Variants in TLN1 observed in about 807,000 individuals in gnomAD.
The protein encoded by TLN1 is talin-1.
Under a neutral mutation model 292.3 loss-of-function variants are expected in TLN1, and 56 were observed. That is an observed-to-expected ratio of 0.19 (90% CI 0.15 to 0.24). TLN1 has a LOEUF of 0.24. Among genes scored for constraint, TLN1 ranks in the 10% least tolerant of loss-of-function variants. The probability of loss-of-function intolerance (pLI) is 1.00; values close to 1 mark genes in which losing one functional copy is unlikely to be tolerated. For synonymous variants in TLN1, 1,119 were observed against 1,253.7 expected (o/e 0.89, Z 2.27); for missense variants, 2,433 against 3,248.2 (o/e 0.75, Z 6.10).
Position 35,717,719 on chromosome 9 carries a change from C to G in TLN1, c.2063G>C (p.Ser688Thr). ...AAAALVLKAK[S>T]VAQRTEDSGL... ...CGAGTCCTCTGTCCGCTGGGCCACA[C>G]TCTTGGCCTTGAGGACCAGGGCAGC... The change falls in exon 18 of 57, where the codon AGT (serine) becomes ACT (threonine). Residue 688 changes from serine (S) to threonine (T), a missense_variant. By Grantham distance (58) the Ser-to-Thr change is moderately conservative. Coordinates refer to ENST00000314888, the MANE Select transcript of TLN1 (RefSeq NM_006289.4). This position sits in a 1 kb window ranked among gnomAD's most constrained non-coding sequence, Gnocchi z 4.7. 1.2e-6 allele frequency: 2 copies of G among 1,613,742 alleles called. No homozygotes were observed. Among genetic ancestry groups the G allele is most frequent in the African/African-American group, 1.3e-5 (1 of 75,036 alleles).
At position 35,698,776 on chromosome 9, in the gene TLN1, G is replaced by A. The variant is rs991152215; in HGVS notation, c.7125+32C>T. 8 of 1,613,600 alleles carry A rather than the reference G, an allele frequency of 5.0e-6. No homozygotes were observed. In the African/African-American group the frequency reaches 9.3e-5, roughly 19 times the overall value. ...GATGTGGACATCAAAGTGCCAACCT[G>A]TCCCCATTCTTCTGGGTATTTAAGC... is the stretch of plus-strand genomic sequence containing the variant. On this transcript the variant is annotated intron_variant, in intron 53 of 56. Coordinates refer to ENST00000314888, the MANE Select transcript of TLN1 (RefSeq NM_006289.4). The surrounding 1 kb of genome is among the most constrained non-coding windows in gnomAD (Gnocchi z 5.3).
intron 34 of TLN1, 164 bp from the exon 35 acceptor site, chr9:35,708,056 A>AGTTATTCTCTG: frequency 1.2e-6 from 1 of 834,076 alleles, no homozygotes. Context: ...AGAGATACCC[A>AGTTATTCTCTG]AAGATGAACT....
intron 25 of TLN1, among the ~76,000 whole-genome samples, chr9:35,713,654 A>T (rs1825717678): frequency 6.6e-6 from 1 of 152,050 alleles, no homozygotes; most frequent in Non-Finnish European, 1.5e-5. Flanking sequence ...ACTGCACTAC[A>T]GTTTAGGTGA....
chr9:35,727,719 A>G (rs1388870063), intron 1 of TLN1, among the ~76,000 whole-genome samples: 1 of 152,154 alleles, frequency 6.6e-6, no homozygotes, highest in East Asian at 1.9e-4. Flanking sequence ...TGGAGCCAAG[A>G]AGCAGGACTG....
At chr9:35,715,304 T>C in intron 20 of TLN1, 117 bp from the exon 21 acceptor site, 2 of 1,382,104 alleles carry the variant, frequency 1.4e-6, no homozygotes, top group Non-Finnish European at 1.9e-6. Context: ...AAGTCATCTC[T>C]AACTAGCCCC....
Position 35,711,314 on chromosome 9 carries a change from C to G in TLN1, c.3960G>C (p.Lys1320Asn), listed in dbSNP as rs764769672. The change falls in exon 30 of 57, where the codon AAG (lysine) becomes AAC (asparagine). Residue 1320 changes from lysine (K) to asparagine (N), a missense_variant. By Grantham distance (94) the Lys-to-Asn change is moderately conservative. This residue lies in a region of TLN1 where 1,384 missense variants were observed against 1,699.6 expected (regional missense o/e 0.81). Coordinates refer to ENST00000314888, the MANE Select transcript of TLN1 (RefSeq NM_006289.4). ...GGGCAGCAGGGTCCGTGGACAGGGC[C>G]TTGGCAGCCAGAAGAAGTTTGCTTG... ...MSSSKLLLAA[K>N]ALSTDPAAPN... is the part of the protein sequence containing the mutation. 6.2e-7 allele frequency: 1 copy of G among 1,614,042 alleles called. No individual in the cohort carries two copies. Among genetic ancestry groups the G allele is most frequent in the Admixed American group, 1.7e-5 (1 of 60,006 alleles).
At chr9:35,728,665 C>A (rs902501234) in intron 1 of TLN1, among the ~76,000 whole-genome samples, 1 of 152,170 alleles carries the variant, frequency 6.6e-6, no homozygotes, top group African/African-American at 2.4e-5. Context: ...TCCTAGGGAG[C>A]CCATCCTATG....
At chr9:35,729,302 C>G (rs778502352) in intron 1 of TLN1, among the ~76,000 whole-genome samples, 3 of 152,200 alleles carry the variant, frequency 2.0e-5, no homozygotes, top group Non-Finnish European at 4.4e-5. Flanking sequence ...AGTTTTCACT[C>G]CAGGCAGAGA....
intron 11 of TLN1, 27 bp downstream of exon 11, chr9:35,720,782 AAGG>A: frequency 1.3e-6 from 2 of 1,594,940 alleles, no homozygotes; most frequent in Non-Finnish European, 1.7e-6. Context: ...AAGAGGCGAT[AAGG>A]AGAAGGCTAG....
In TLN1 at chr9:35,706,702, C is replaced by T; in HGVS notation, c.5088+66G>A. On this transcript the variant is annotated intron_variant, in intron 38 of 56. Coordinates refer to ENST00000314888, the MANE Select transcript of TLN1 (RefSeq NM_006289.4). The surrounding 1 kb of genome is among the most constrained non-coding windows in gnomAD (Gnocchi z 4.2). ...CCTAAGAAGCCACTCCTTGATCCCCCAGCTTCTTTGAGTCTGATATTTCTC... is the reference window on the plus strand; with the variant it reads ...CCTAAGAAGCCACTCCTTGATCCCCTAGCTTCTTTGAGTCTGATATTTCTC... The T allele has an allele frequency of 1.9e-6, 3 of 1,592,202 alleles. No homozygotes were observed. The highest frequency in any genetic ancestry group is 1.1e-5 in the South Asian group (1 of 88,054).
Position 35,716,536 on chromosome 9 carries a change from G to A in TLN1, c.2479C>T (p.Arg827Cys), listed in dbSNP as rs376004331. 8 of 1,613,962 alleles carry A rather than the reference G, an allele frequency of 5.0e-6. No homozygotes were observed. The highest frequency in any genetic ancestry group is 1.3e-5 in the African/African-American group (1 of 74,930). Residue 827 changes from arginine (R) to cysteine (C), a missense_variant, in exon 20 of 57, where the codon CGC (arginine) becomes TGC (cysteine). By Grantham distance (180) the Arg-to-Cys change is radical. Transcript: ENST00000314888. ...TCAGATGTGGCTTGGGCCAGGATGC[G>A]GGCCTGTCGCACCATCTCCCCTGAG... ...GDAGEMVRQA[R>C]ILAQATSDLV...
At position 35,714,062 on chromosome 9, in the gene TLN1, G is replaced by A; in HGVS notation, c.3140C>T (p.Pro1047Leu). The change falls in exon 25 of 57, where the codon CCT becomes CTT. Residue 1047 changes from proline (P) to leucine (L), a missense_variant. Around this residue, in one of 7 missense-constraint regions of TLN1, gnomAD observed 1,384 missense variants for 1,699.6 expected, o/e 0.81. Transcript: ENST00000314888. The surrounding 1 kb of genome is among the most constrained non-coding windows in gnomAD (Gnocchi z 4.6). ...AAQKAQEACG[P>L]LEMDSALSVV... Reference sequence around the variant, plus strand: ...ACTCAGTGCAGAATCCATCTCCAAAGGTCCACATGCTTCCTGAGCCTATGA... The same window carrying A: ...ACTCAGTGCAGAATCCATCTCCAAAAGTCCACATGCTTCCTGAGCCTATGA... The A allele has an allele frequency of 6.2e-7, 1 of 1,614,176 alleles. No homozygotes were observed. The highest frequency in any genetic ancestry group is 8.5e-7 in the Non-Finnish European group (1 of 1,180,008).
Position 35,724,770 on chromosome 9 carries a change from G to A in TLN1, c.359-46C>T, listed in dbSNP as rs1825939578. The A allele has an allele frequency of 6.2e-7, 1 of 1,613,702 alleles. No homozygotes were observed. The highest frequency in any genetic ancestry group is 1.3e-5 in the African/African-American group (1 of 74,986). On this transcript the variant is annotated intron_variant, in intron 4 of 56. Transcript: ENST00000314888. The surrounding 1 kb of genome is among the most constrained non-coding windows in gnomAD (Gnocchi z 4.7). ...TTAGCTTCCCAGGTACTGCATCCAT[G>A]CCTTTTGAGAGAGTTGAGGCTTTCT... is the stretch of plus-strand genomic sequence containing the variant.
Position 35,706,771 on chromosome 9 carries a change from T to C in TLN1, c.5085A>G (p.Gln1695=), listed in dbSNP as rs935295823. ...CATATAACCCTCTCCCTCTCACCTC[T>C]TGAGAGATTCCCTCACGGGGAGCAA... The part of the protein sequence containing the change: ...QQLAPREGIS[Q]EALHTQMLTA... Residue 1695 remains glutamine, a synonymous_variant, in exon 38 of 57, where the codon CAA becomes CAG. Coordinates refer to ENST00000314888, the MANE Select transcript of TLN1 (RefSeq NM_006289.4). This position sits in a 1 kb window ranked among gnomAD's most constrained non-coding sequence, Gnocchi z 4.2. 4 of 1,613,694 alleles carry C rather than the reference T, an allele frequency of 2.5e-6. No homozygotes were observed. In the African/African-American group the frequency reaches 5.3e-5, roughly 22 times the overall value.
Position 35,706,115 on chromosome 9 carries a change from T to A in TLN1, c.5362-4A>T. On this transcript the variant is annotated splice_region_variant and splice_polypyrimidine_tract_variant and intron_variant, in intron 40 of 56. Transcript: ENST00000314888. The surrounding 1 kb of genome is among the most constrained non-coding windows in gnomAD (Gnocchi z 4.2). Reference sequence around the variant, plus strand: ...CTTCCTGGGTGTGAGCTGCTTGCTGTGGGGAGAGGAGAGGAGCTCTGTTGT... The same window carrying A: ...CTTCCTGGGTGTGAGCTGCTTGCTGAGGGGAGAGGAGAGGAGCTCTGTTGT... 6.2e-7 allele frequency: 1 copy of A among 1,614,084 alleles called. No individual in the cohort carries two copies. Among genetic ancestry groups the A allele is most frequent in the Non-Finnish European group, 8.5e-7 (1 of 1,179,982 alleles).
In TLN1 at chr9:35,711,026, C is replaced by T. The variant is rs1297381787; in HGVS notation, c.4076G>A (p.Gly1359Asp). Residue 1359 changes from glycine (G) to aspartate (D), a missense_variant, in exon 31 of 57, where the codon GGC becomes GAC. Physicochemically the swap from Gly to Asp is moderately conservative, Grantham distance 94 (BLOSUM62 -1). Around this residue, in one of 7 missense-constraint regions of TLN1, gnomAD observed 1,384 missense variants for 1,699.6 expected, o/e 0.81. Transcript: ENST00000314888. Reference sequence around the variant, plus strand: ...CAGGGCGTTATCACACTCCTTCTGGCCGGGTGCCTGCTGGGTGCACATAGT... The same window carrying T: ...CAGGGCGTTATCACACTCCTTCTGGTCGGGTGCCTGCTGGGTGCACATAGT... ...LITMCTQQAP[G>D]QKECDNALRE... 1.4e-5 allele frequency: 22 copies of T among 1,614,228 alleles called. No individual in the cohort carries two copies. The highest frequency in any genetic ancestry group is 1.9e-5 in the Non-Finnish European group (22 of 1,180,038).
Position 35,697,665 on chromosome 9 carries a change from C to T in TLN1, c.*126G>A. 1.4e-6 allele frequency: 2 copies of T among 1,425,612 alleles called. No homozygotes were observed. Among genetic ancestry groups the T allele is most frequent in the East Asian group, 2.3e-5 (1 of 43,806 alleles). The allele number at this position is 1,425,612 out of a possible 1,614,324, so 88.3% of individuals were successfully genotyped here. On this transcript the variant is annotated 3_prime_UTR_variant, in exon 57 of 57. Transcript: ENST00000314888. ...CTGCGGGACTGGGCGGGGCCAGGCC[C>T]TGGGGTTTGGCAGGCACTTTGGGGA...
chr9:35,721,368 A>G (rs1261646626), intron 10 of TLN1, among the ~76,000 whole-genome samples: 1 of 152,214 alleles, frequency 6.6e-6, no homozygotes, highest in Non-Finnish European at 1.5e-5. Context: ...CTGCTGAAAC[A>G]GGGAGGTTAT....
chr9:35,718,110 G>C (rs534416725), intron 17 of TLN1, among the ~76,000 whole-genome samples: 20 of 152,338 alleles, frequency 1.3e-4, no homozygotes, highest in African/African-American at 4.8e-4. Flanking sequence ...TATCTCCTGG[G>C]ATCCCTCCAC....
Sources: gnomAD v4.1 joint callset for allele counts (sites outside exome capture counted in the v4.1 genomes callset) on GRCh38, gnomAD v4.1.1 for gene constraint, gnomAD v4.1.1 regional missense constraint, Gnocchi (gnomAD v3.1) non-coding constraint, MANE v1.5 for transcripts, NCBI Gene and HGNC (gene_info 2026-07-23, HGNC 2026-07-21) for gene names.